The following MTUS1 variants were observed in gnomAD, a reference collection of about 807,000 sequenced individuals.
The protein encoded by MTUS1 is microtubule associated scaffold protein 1.
MTUS1 carries 109 observed loss-of-function variants against 120.8 expected under a neutral mutation model. The observed-to-expected ratio is 0.90, with a 90% CI of 0.77 to 1.06. MTUS1 has a LOEUF of 1.06. MTUS1 is among the 50% of genes least tolerant of loss of function. The pLI is 0.00. For synonymous variants in MTUS1, 737 were observed against 550.5 expected, an observed-to-expected ratio of 1.34 and a Z score of -4.74; for missense variants, 2,210 against 1,486.3, an observed-to-expected ratio of 1.49 and a Z score of -8.01.
At chr8:17,779,258 T>C (rs933417661) in intron 1 of MTUS1, among the ~76,000 whole-genome samples, 1 of 152,218 alleles carries the variant, frequency 6.6e-6, no homozygotes, top group African/African-American at 2.4e-5. Flanking sequence ...ATAAGGATTA[T>C]GGCCTCCTAC....
chr8:17,748,463 C>A (rs1051630919), intron 2 of MTUS1, among the ~76,000 whole-genome samples: 10 of 152,348 alleles, frequency 6.6e-5, no homozygotes, highest in Middle Eastern at 3.4e-3. Context: ...GGTTATCACA[C>A]TGACCCTTTG....
intron 1 of MTUS1, among the ~76,000 whole-genome samples, chr8:17,786,131 C>T (rs2051283936): frequency 6.6e-6 from 1 of 152,106 alleles, no homozygotes; most frequent in Admixed American, 6.6e-5. Context: ...CAGAGCGAGA[C>T]CCCATCTCTG....
chr8:17,799,416 A>C (rs919950771), intron 1 of MTUS1, among the ~76,000 whole-genome samples: 5 of 151,990 alleles, frequency 3.3e-5, no homozygotes, highest in Non-Finnish European at 7.4e-5. Flanking sequence ...ACTATAAAAA[A>C]TTTTTCTATA....
At chr8:17,768,651 G>A (rs1039089270) in intron 1 of MTUS1, among the ~76,000 whole-genome samples, 1 of 151,980 alleles carries the variant, frequency 6.6e-6, no homozygotes, top group Non-Finnish European at 1.5e-5. Context: ...GCAGCAATTA[G>A]AACATTTTTA....
At chr8:17,709,607 A>G (rs1820865604) in intron 6 of MTUS1, among the ~76,000 whole-genome samples, 1 of 152,092 alleles carries the variant, frequency 6.6e-6, no homozygotes, top group Non-Finnish European at 1.5e-5. Context: ...AAGACACATG[A>G]CATAATAAGG....
chr8:17,748,340 C>G (rs1459062501), intron 2 of MTUS1: 17 of 152,270 alleles, frequency 1.1e-4, no homozygotes, highest in Admixed American at 1.1e-3. Flanking sequence ...GAGCCACTTT[C>G]ATTGCTAAAT....
chr8:17,722,586 T>A (rs1444703794), intron 4 of MTUS1: 1 of 985,100 alleles, frequency 1.0e-6, no homozygotes, highest in Admixed American at 6.2e-5. Flanking sequence ...TGAGTCCAGC[T>A]ACTGCTGCTA....
intron 8 of MTUS1, among the ~76,000 whole-genome samples, chr8:17,661,577 A>G (rs180878189): frequency 3.9e-4 from 60 of 152,284 alleles, no homozygotes; most frequent in South Asian, 1.2e-3. Context: ...CAGCCTTTAA[A>G]ACCAAATAGG....
In MTUS1 at chr8:17,724,211, T is replaced by TA. The variant is rs761198653; in HGVS notation, c.2288-379dup. 4.6e-3 allele frequency: 1,658 copies of TA among 360,516 alleles called. 2 individuals carry two copies. The highest frequency in any genetic ancestry group is 6.3e-3 in the African/African-American group (287 of 45,486). 22.3% of individuals were successfully genotyped at this position (360,516 alleles called of 1,614,324 possible). On this transcript the variant is annotated intron_variant, in intron 3 of 14. Transcript: ENST00000693296. Reference sequence around the variant, plus strand: ...TGATACGACCCCCCATACTGGTGACTAAAAAAAAAATAATCCATTAGGACA... The same window carrying TA: ...TGATACGACCCCCCATACTGGTGACTAAAAAAAAAAATAATCCATTAGGACA...
At chr8:17,774,820 G>C (rs2131474629) in intron 1 of MTUS1, among the ~76,000 whole-genome samples, 1 of 152,034 alleles carries the variant, frequency 6.6e-6, no homozygotes, top group South Asian at 2.1e-4. Context: ...CCAAAAAGTG[G>C]ACACCATCAA....
chr8:17,781,448 A>G (rs922316747), intron 1 of MTUS1, among the ~76,000 whole-genome samples: 1 of 152,194 alleles, frequency 6.6e-6, no homozygotes, highest in Non-Finnish European at 1.5e-5. Context: ...TTGTGTTCAA[A>G]GGCAGTATAA....
chr8:17,801,135 G>T (rs2052651683), upstream of MTUS1, among the ~76,000 whole-genome samples: 1 of 151,702 alleles, frequency 6.6e-6, no homozygotes, highest in African/African-American at 2.4e-5. Context: ...ACCACTGGCG[G>T]GGTCGCCGAG....
chr8:17,679,613 T>C (rs556873692), intron 7 of MTUS1, among the ~76,000 whole-genome samples: 3 of 152,236 alleles, frequency 2.0e-5, no homozygotes, highest in African/African-American at 7.2e-5. Flanking sequence ...GCGATTCGTA[T>C]GCCTCAGTCT....
intron 2 of MTUS1, among the ~76,000 whole-genome samples, chr8:17,747,007 G>C (rs17125233): frequency 0.24 from 36,285 of 152,004 alleles, 5,810 homozygotes; most frequent in African/African-American, 0.45. Flanking sequence ...TTACTGAAAC[G>C]ATGTCCACAG....
chr8:17,781,723 G>A (rs1021703722), intron 1 of MTUS1, among the ~76,000 whole-genome samples: 1 of 152,096 alleles, frequency 6.6e-6, no homozygotes, highest in African/African-American at 2.4e-5. Flanking sequence ...CCCCTTTCCT[G>A]CTCGACGGCC....
chr8:17,777,073 A>G (rs1405924297), intron 1 of MTUS1, among the ~76,000 whole-genome samples: 2 of 152,140 alleles, frequency 1.3e-5, no homozygotes, highest in African/African-American at 4.8e-5. Context: ...TGAACTAGTG[A>G]ATTAGCCCTC....
At chr8:17,714,187 A>C (rs1821870695) in intron 5 of MTUS1, among the ~76,000 whole-genome samples, 1 of 152,180 alleles carries the variant, frequency 6.6e-6, no homozygotes, top group Non-Finnish European at 1.5e-5. Flanking sequence ...TCCCTAGGCA[A>C]ATGACAACCT....
At chr8:17,692,587 C>G (rs758505164) in intron 6 of MTUS1, among the ~76,000 whole-genome samples, 1 of 152,204 alleles carries the variant, frequency 6.6e-6, no homozygotes, top group Non-Finnish European at 1.5e-5. Flanking sequence ...CATTCACATT[C>G]TGCCTGCCTG....
In MTUS1 at chr8:17,644,387, G is replaced by C. The variant is rs768449492; in HGVS notation, c.*1539C>G. 2.0e-5 allele frequency: 3 copies of C among 152,622 alleles called. No individual in the cohort carries two copies. The highest frequency in any genetic ancestry group is 4.4e-5 in the Non-Finnish European group (3 of 68,036). 9.5% of individuals were successfully genotyped at this position (152,622 alleles called of 1,614,324 possible). A position where few individuals can be genotyped will look rare whatever the true frequency, so the allele number is the denominator to read the frequency against. On this transcript the variant is annotated 3_prime_UTR_variant, in exon 15 of 15. Transcript: ENST00000693296. ...TCTTACTACAGCTGTTATTTGTACAGCCACTGAATGTAGATTAGTAAATAC... is the reference window on the plus strand; with the variant it reads ...TCTTACTACAGCTGTTATTTGTACACCCACTGAATGTAGATTAGTAAATAC...
Sources: allele counts gnomAD v4.1 joint callset (sites outside exome capture counted in the v4.1 genomes callset), GRCh38; gene constraint gnomAD v4.1.1; transcripts MANE v1.5; gene names NCBI Gene and HGNC (gene_info 2026-07-23, HGNC 2026-07-21).